ZNF787: variants seen among roughly 807,000 people sequenced by gnomAD.
ZNF787 encodes the protein zinc finger protein 787, also known as TTF-I-interacting peptide 20.
Under a neutral mutation model 16.9 loss-of-function variants are expected in ZNF787, and 7 were observed. The observed-to-expected ratio is 0.42, with a 90% CI of 0.24 to 0.78. The LOEUF (loss-of-function observed/expected upper bound fraction) is 0.78, where lower values mean the gene tolerates loss of function less well. Among genes scored for constraint, ZNF787 ranks in the 30% least tolerant of loss-of-function variants. The pLI is 0.30. For missense variants in ZNF787, 551 were observed against 589.3 expected (o/e 0.94, Z 0.67); for synonymous variants, 345 against 270.9 (o/e 1.27, Z -2.69).
intron 2 of ZNF787, among the ~76,000 whole-genome samples, chr19:56,099,651 C>T (rs1322629377): frequency 2.8e-5 from 4 of 140,760 alleles, no homozygotes; most frequent in African/African-American, 1.1e-4. Context: ...GTGGAAGTTG[C>T]AGTGAGCCGA....
chr19:56,102,488 G>A, intron 2 of ZNF787: 1 of 193,008 alleles, frequency 5.2e-6, no homozygotes, highest in Admixed American at 5.8e-5. Context: ...GTCACCATGG[G>A]GCCTTCGCAA....
At chr19:56,115,786 A>G (rs942260928) in intron 1 of ZNF787, among the ~76,000 whole-genome samples, 2 of 152,118 alleles carry the variant, frequency 1.3e-5, no homozygotes, top group Admixed American at 6.5e-5. Context: ...GAGGGACTTC[A>G]TCTACTGTCA....
chr19:56,090,576 C>G (rs566206595), intron 2 of ZNF787, among the ~76,000 whole-genome samples: 11 of 152,206 alleles, frequency 7.2e-5, no homozygotes, highest in African/African-American at 2.6e-4. Flanking sequence ...AATCCCAGCA[C>G]TTTAGGAGGC....
At chr19:56,098,335 G>T (rs1985947606) in intron 2 of ZNF787, among the ~76,000 whole-genome samples, 1 of 152,244 alleles carries the variant, frequency 6.6e-6, no homozygotes, top group Non-Finnish European at 1.5e-5. Context: ...AGTGAGGCCT[G>T]CCTGGGAGCT....
chr19:56,087,796 G>A lies in ZNF787; in HGVS notation c.*227C>T. The stretch of plus-strand genomic sequence containing the variant: ...CTCGCAGGCCGATAACTTAGGAAGG[G>A]CGGGCCAGGCTGAGGGGGCAGAGTC... On this transcript the variant is annotated 3_prime_UTR_variant, in exon 3 of 3. Transcript: ENST00000610935. The A allele has an allele frequency of 1.6e-6, 1 of 642,880 alleles. No individual in the cohort carries two copies. 39.8% of individuals were successfully genotyped at this position (642,880 alleles called of 1,614,324 possible). A position where few individuals can be genotyped will look rare whatever the true frequency, so the allele number is the denominator to read the frequency against.
chr19:56,092,000 G>GGAAGCCAAAGCCGAAACCGAAGCC, intron 2 of ZNF787, among the ~76,000 whole-genome samples: 2 of 144,110 alleles, frequency 1.4e-5, no homozygotes, highest in Admixed American at 1.4e-4. Flanking sequence ...GAAGCCAAAC[G>GGAAGCCAAAGCCGAAACCGAAGCC]GAAGCCAAAG....
Position 56,088,047 on chromosome 19 carries a change from C to A in ZNF787, c.1125G>T (p.Glu375Asp), listed in dbSNP as rs549656614. Residue 375 changes from glutamate to aspartate, a missense_variant, in exon 3 of 3, where the codon GAG (glutamate) becomes GAT (aspartate). Glu to Asp is a conservative substitution (Grantham distance 45, BLOSUM62 2). Coordinates refer to ENST00000610935, the MANE Select transcript of ZNF787 (RefSeq NM_001002836.4). The surrounding 1 kb of genome is among the most constrained non-coding windows in gnomAD (Gnocchi z 8.6). ...DDEAAGGRCPECRGGEGR is the reference protein window; with the variant it reads ...DDEAAGGRCPDCRGGEGR ...CCTACCGGCCCTCCCCACCGCGGCA[C>A]TCGGGGCACCGCCCGCCCGCGGCCT... The A allele has an allele frequency of 3.8e-4, 526 of 1,374,766 alleles. No individual in the cohort carries two copies. The highest frequency in any genetic ancestry group is 4.8e-4 in the Non-Finnish European group (508 of 1,066,870). The allele number at this position is 1,374,766 out of a possible 1,614,324, so 85.2% of individuals were successfully genotyped here. A position where few individuals can be genotyped will look rare whatever the true frequency, so the allele number is the denominator to read the frequency against.
intron 2 of ZNF787, among the ~76,000 whole-genome samples, chr19:56,099,736 A>G (rs1348776401): frequency 7.4e-6 from 1 of 134,304 alleles, no homozygotes; most frequent in Non-Finnish European, 1.7e-5. Flanking sequence ...GAAAAGAGAG[A>G]GAGAGAAAGG....
intron 1 of ZNF787, among the ~76,000 whole-genome samples, chr19:56,117,735 A>G (rs1449513055): frequency 1.3e-5 from 2 of 152,202 alleles, no homozygotes; most frequent in African/African-American, 2.4e-5. Context: ...ATAGGTCCCC[A>G]TCAGTCCCAC....
In ZNF787 at chr19:56,088,393, G is replaced by A. The variant is rs1985427269; in HGVS notation, c.779C>T (p.Ala260Val). ...GEGAAAAAAMAGAGAKAAGPR... is the reference protein window; with the variant it reads ...GEGAAAAAAMVGAGAKAAGPR... ...CCCCGCGGCCTTTGCCCCCGCGCCCGCCATGGCTGCCGCGGCCGCGGCCCC... is the reference window on the plus strand; with the variant it reads ...CCCCGCGGCCTTTGCCCCCGCGCCCACCATGGCTGCCGCGGCCGCGGCCCC... Residue 260 changes from alanine (A) to valine (V), a missense_variant, in exon 3 of 3, where the codon GCG becomes GTG. Around this residue, in one of 4 missense-constraint regions of ZNF787, gnomAD observed 392 missense variants for 312.7 expected, o/e 1.25. Transcript: ENST00000610935. This position sits in a 1 kb window ranked among gnomAD's most constrained non-coding sequence, Gnocchi z 8.6. 20 of 1,097,582 alleles carry A rather than the reference G, an allele frequency of 1.8e-5. No individual in the cohort carries two copies. Among genetic ancestry groups the A allele is most frequent in the African/African-American group, 3.5e-5 (2 of 57,916 alleles). The allele number at this position is 1,097,582 out of a possible 1,614,324, so 68.0% of individuals were successfully genotyped here. A position where few individuals can be genotyped will look rare whatever the true frequency, so the allele number is the denominator to read the frequency against.
At chr19:56,095,658 C>T (rs565009001) in intron 2 of ZNF787, among the ~76,000 whole-genome samples, 9 of 152,348 alleles carry the variant, frequency 5.9e-5, no homozygotes, top group South Asian at 2.1e-4. Flanking sequence ...GATTCTGATT[C>T]CTCACATGAG....
intron 1 of ZNF787, among the ~76,000 whole-genome samples, chr19:56,115,798 G>T (rs758661759): frequency 1.2e-4 from 19 of 152,172 alleles, no homozygotes; most frequent in African/African-American, 3.9e-4. Flanking sequence ...CTACTGTCAG[G>T]GTGCAGTGTG....
Position 56,087,593 on chromosome 19 carries a change from A to AG in ZNF787, c.*429dup, listed in dbSNP as rs1422764278. 1 of 155,942 alleles carries AG rather than the reference A, an allele frequency of 6.4e-6. No homozygotes were observed. The highest frequency in any genetic ancestry group is 1.4e-5 in the Non-Finnish European group (1 of 70,974). The allele number at this position is 155,942 out of a possible 1,614,324, so 9.7% of individuals were successfully genotyped here. ...GCTGATTAAAAGAAAATTCTAAAAG[A>AG]GAAAAGGGCCCCTGGTTCTCTTCCC... On this transcript the variant is annotated 3_prime_UTR_variant, in exon 3 of 3. Coordinates refer to ENST00000610935, the MANE Select transcript of ZNF787 (RefSeq NM_001002836.4).
intron 2 of ZNF787, among the ~76,000 whole-genome samples, chr19:56,098,532 CA>C (rs1985960092): frequency 4.3e-5 from 6 of 141,156 alleles, no homozygotes; most frequent in African/African-American, 1.5e-4. Context: ...AGGGTGATGC[CA>C]CCAGGGTGAT....
At chr19:56,091,237 T>C (rs1985562714) in intron 2 of ZNF787, among the ~76,000 whole-genome samples, 1 of 152,216 alleles carries the variant, frequency 6.6e-6, no homozygotes, top group Non-Finnish European at 1.5e-5. Flanking sequence ...AGCCATACTA[T>C]CTGAACCTTA....
intron 1 of ZNF787, among the ~76,000 whole-genome samples, 198 bp downstream of exon 1, chr19:56,120,974 C>G (rs866796289): frequency 7.2e-6 from 1 of 139,360 alleles, no homozygotes; most frequent in African/African-American, 2.6e-5. Flanking sequence ...CACAGCTCTT[C>G]GGCGCGCACG....
Position 56,103,237 on chromosome 19 carries a change from G to C in ZNF787, c.-10-10C>G, listed in dbSNP as rs370410062. 7.8e-6 allele frequency: 12 copies of C among 1,541,114 alleles called. No homozygotes were observed. In the African/African-American group the frequency reaches 1.2e-4, roughly 16 times the overall value. Reference sequence around the variant, plus strand: ...CTCCATGTCTGGGTCCCTGTTAGAAGGGGATGAGACAGAAGGACAGAGTTT... The same window carrying C: ...CTCCATGTCTGGGTCCCTGTTAGAACGGGATGAGACAGAAGGACAGAGTTT... On this transcript the variant is annotated splice_polypyrimidine_tract_variant and intron_variant, in intron 1 of 2. Transcript: ENST00000610935.
intron 1 of ZNF787, among the ~76,000 whole-genome samples, chr19:56,115,618 C>T (rs1014935234): frequency 7.9e-5 from 12 of 152,104 alleles, no homozygotes; most frequent in African/African-American, 2.4e-4. Context: ...CCTGGACTCG[C>T]GCAGCAGCCT....
intron 1 of ZNF787, among the ~76,000 whole-genome samples, chr19:56,112,221 CAAG>C (rs1325585616): frequency 6.6e-6 from 1 of 152,150 alleles, no homozygotes; most frequent in African/African-American, 2.4e-5. Context: ...CACTTGCTCT[CAAG>C]AAAACCCTGG....
Sources: allele counts gnomAD v4.1 joint callset (sites outside exome capture counted in the v4.1 genomes callset), GRCh38; gene constraint gnomAD v4.1.1; regional missense constraint gnomAD v4.1.1; non-coding constraint Gnocchi (gnomAD v3.1); transcripts MANE v1.5; gene names NCBI Gene and HGNC (gene_info 2026-07-23, HGNC 2026-07-21).